Variants in NETO2 observed in about 807,000 individuals in gnomAD.
NETO2 encodes the protein neuropilin and tolloid like 2.
Under a neutral mutation model 62.5 loss-of-function variants are expected in NETO2, and 28 were observed. That is an observed-to-expected ratio of 0.45 (90% confidence interval 0.33 to 0.61). The LOEUF (loss-of-function observed/expected upper bound fraction) is 0.61, where lower values mean the gene tolerates loss of function less well. Among genes scored for constraint, NETO2 ranks in the 20% least tolerant of loss-of-function variants. NETO2 has a pLI of 0.02. For synonymous variants in NETO2, 214 were observed against 219.1 expected, an observed-to-expected ratio of 0.98 and a Z score of 0.21; for missense variants, 548 against 643.2, an observed-to-expected ratio of 0.85 and a Z score of 1.60.
At chr16:47,092,032 T>G (rs931278511) in intron 7 of NETO2, among the ~76,000 whole-genome samples, 1 of 151,696 alleles carries the variant, frequency 6.6e-6, no homozygotes, top group Non-Finnish European at 1.5e-5. Flanking sequence ...TTGGTTTTTT[T>G]TTTTTTTTTT....
At chr16:47,084,680 A>T (rs2143796134) in intron 8 of NETO2, among the ~76,000 whole-genome samples, 1 of 152,310 alleles carries the variant, frequency 6.6e-6, no homozygotes. Flanking sequence ...AAAGTCAAGA[A>T]GTGAGGCAGC....
intron 6 of NETO2, among the ~76,000 whole-genome samples, chr16:47,112,597 T>C (rs548165770): frequency 1.3e-5 from 2 of 152,288 alleles, no homozygotes; most frequent in Non-Finnish European, 2.9e-5. Flanking sequence ...TGACCTCAAG[T>C]GATCCGCCTG....
chr16:47,094,239 AG>A (rs140258300), intron 7 of NETO2, among the ~76,000 whole-genome samples: 1 of 150,228 alleles, frequency 6.7e-6, no homozygotes, highest in Non-Finnish European at 1.5e-5. Context: ...AAAAAAAATT[AG>A]GAAGTACTGA....
rs1253224566 is a variant in NETO2 at position 47,122,554 on chromosome 16, T to C, written c.654+103A>G. Reference sequence around the variant, plus strand: ...ACATTTTAAAAAGTTGCAGTATCAGTTTATGTAGTCAATAAATATTTACAC... The same window carrying C: ...ACATTTTAAAAAGTTGCAGTATCAGCTTATGTAGTCAATAAATATTTACAC... On this transcript the variant is annotated intron_variant, in intron 6 of 8. Transcript: ENST00000562435. The C allele has an allele frequency of 3.8e-5, 50 of 1,321,598 alleles. No homozygotes were observed. In the East Asian group the frequency reaches 1.1e-3, roughly 30 times the overall value. 81.9% of individuals were successfully genotyped at this position (1,321,598 alleles called of 1,614,324 possible). A position where few individuals can be genotyped will look rare whatever the true frequency, so the allele number is the denominator to read the frequency against.
chr16:47,104,812 C>CAGGTTCA (rs1452233372), intron 7 of NETO2, among the ~76,000 whole-genome samples: 1 of 152,112 alleles, frequency 6.6e-6, no homozygotes, highest in East Asian at 1.9e-4. Context: ...CTCTGCCTCC[C>CAGGTTCA]AGGTTCAAGT....
chr16:47,134,785 G>A (rs1180014582), intron 1 of NETO2, among the ~76,000 whole-genome samples: 2 of 152,086 alleles, frequency 1.3e-5, no homozygotes, highest in East Asian at 1.9e-4. Flanking sequence ...GCACAATTAC[G>A]GTATACAATG....
At chr16:47,099,554 T>C (rs761442688) in intron 7 of NETO2, among the ~76,000 whole-genome samples, 5 of 152,076 alleles carry the variant, frequency 3.3e-5, no homozygotes, top group Non-Finnish European at 5.9e-5. Flanking sequence ...GTGTGCTGTA[T>C]TTAGGAGATC....
chr16:47,102,389 C>A (rs1339086980), intron 7 of NETO2, among the ~76,000 whole-genome samples: 1 of 152,102 alleles, frequency 6.6e-6, no homozygotes, highest in African/African-American at 2.4e-5. Flanking sequence ...GCAAAGACTT[C>A]ATGACTAAAA....
At chr16:47,129,816 T>C (rs1168761087) in intron 2 of NETO2, among the ~76,000 whole-genome samples, 4 of 152,222 alleles carry the variant, frequency 2.6e-5, no homozygotes, top group Non-Finnish European at 4.4e-5. Flanking sequence ...GCTGAGCTCC[T>C]TCCTCAAACT....
chr16:47,089,516 T>C (rs1963268684), intron 7 of NETO2, among the ~76,000 whole-genome samples: 1 of 152,216 alleles, frequency 6.6e-6, no homozygotes, highest in African/African-American at 2.4e-5. Context: ...TAAGTTCAAA[T>C]GATGTATATA....
intron 7 of NETO2, among the ~76,000 whole-genome samples, chr16:47,096,090 C>A (rs554702274): frequency 3.9e-5 from 6 of 152,106 alleles, no homozygotes; most frequent in Non-Finnish European, 8.8e-5. Context: ...AAGAAATCCA[C>A]GGGAAATTAT....
Position 47,080,709 on chromosome 16 carries a change from C to G in NETO2, c.*2512G>C, listed in dbSNP as rs980748753. On this transcript the variant is annotated 3_prime_UTR_variant, in exon 9 of 9. Coordinates refer to ENST00000562435, the MANE Select transcript of NETO2 (RefSeq NM_018092.5). ...GATCATCTGGTTCTTTAGTTCTATCCCTGAAAATACAGACTGACCCTAAAC... is the reference window on the plus strand; with the variant it reads ...GATCATCTGGTTCTTTAGTTCTATCGCTGAAAATACAGACTGACCCTAAAC... 4 of 152,086 alleles carry G rather than the reference C, an allele frequency of 2.6e-5. No individual in the cohort carries two copies. The highest frequency in any genetic ancestry group is 4.4e-5 in the Non-Finnish European group (3 of 67,998). 9.4% of individuals were successfully genotyped at this position (152,086 alleles called of 1,614,324 possible). A position where few individuals can be genotyped will look rare whatever the true frequency, so the allele number is the denominator to read the frequency against.
At chr16:47,126,563 T>A (rs932195238) in intron 4 of NETO2, among the ~76,000 whole-genome samples, 1 of 152,192 alleles carries the variant, frequency 6.6e-6, no homozygotes, top group Non-Finnish European at 1.5e-5. Context: ...CATGTCATCA[T>A]GCATTTGTCA....
rs1049278761 is a variant in NETO2, at chr16:47,143,804, G to A, written c.-192C>T. 1 of 739,944 alleles carries A rather than the reference G, an allele frequency of 1.4e-6. No homozygotes were observed. The highest frequency in any genetic ancestry group is 1.8e-6 in the Non-Finnish European group (1 of 553,248). 45.8% of individuals were successfully genotyped at this position (739,944 alleles called of 1,614,324 possible). A position where few individuals can be genotyped will look rare whatever the true frequency, so the allele number is the denominator to read the frequency against. On this transcript the variant is annotated 5_prime_UTR_variant, in exon 1 of 9. Coordinates refer to ENST00000562435, the MANE Select transcript of NETO2 (RefSeq NM_018092.5). ...CGAGCCCCACAGTGGGCTCCCGCGC[G>A]GCCCGAGCACCCCGACGGGCGCCGC...
intron 1 of NETO2, 99 bp from the exon 2 acceptor site, chr16:47,132,124 A>T (rs1964278793): frequency 1.1e-6 from 1 of 914,134 alleles, no homozygotes; most frequent in East Asian, 2.6e-5. Context: ...GATTAACTAA[A>T]ATCACTATTT....
Position 47,132,011 on chromosome 16 carries a change from C to T in NETO2, c.49G>A (p.Val17Ile). 1 of 1,612,006 alleles carries T rather than the reference C, an allele frequency of 6.2e-7. No homozygotes were observed. Among genetic ancestry groups the T allele is most frequent in the Non-Finnish European group, 8.5e-7 (1 of 1,178,454 alleles). Reference sequence around the variant, plus strand: ...ACGGCAATCCCTTCCACTACCAGTACTGTTATTAACAACACTAGAGAAATA... The same window carrying T: ...ACGGCAATCCCTTCCACTACCAGTATTGTTATTAACAACACTAGAGAAATA... Reference protein sequence around the residue: ...CSVLKVLLITVLVVEGIAVAQ... With the variant: ...CSVLKVLLITILVVEGIAVAQ... Residue 17 changes from valine (V) to isoleucine (I), a missense_variant, in exon 2 of 9, where the codon GTA becomes ATA. Coordinates refer to ENST00000562435, the MANE Select transcript of NETO2 (RefSeq NM_018092.5).
intron 7 of NETO2, among the ~76,000 whole-genome samples, chr16:47,090,509 A>G (rs908470524): frequency 1.3e-5 from 2 of 152,212 alleles, no homozygotes; most frequent in African/African-American, 2.4e-5. Flanking sequence ...AACTCCACTT[A>G]TAGCCTGAGA....
intron 7 of NETO2, among the ~76,000 whole-genome samples, chr16:47,091,249 A>T (rs951324235): frequency 5.9e-5 from 9 of 152,210 alleles, no homozygotes; most frequent in African/African-American, 2.2e-4. Flanking sequence ...AATCTATTGC[A>T]GCCTTACAAT....
At chr16:47,142,912 C>A (rs1054588257) in intron 1 of NETO2, among the ~76,000 whole-genome samples, 1 of 152,050 alleles carries the variant, frequency 6.6e-6, no homozygotes, top group Non-Finnish European at 1.5e-5. Flanking sequence ...AGACCTCTGG[C>A]GGAGCGCGAG....
Sources: gnomAD v4.1 joint callset for allele counts (sites outside exome capture counted in the v4.1 genomes callset) on GRCh38, gnomAD v4.1.1 for gene constraint, MANE v1.5 for transcripts, NCBI Gene and HGNC (gene_info 2026-07-23, HGNC 2026-07-21) for gene names.